The following VEPH1 variants were observed in gnomAD, a reference collection of about 807,000 sequenced individuals.
VEPH1 encodes ventricular zone expressed PH domain containing 1.
VEPH1 carries 80 observed loss-of-function variants against 85.2 expected under a neutral mutation model. That is an observed-to-expected ratio of 0.94 (90% CI 0.78 to 1.13). VEPH1 has a LOEUF of 1.13. Among genes scored for constraint, VEPH1 ranks in the 50% most tolerant of loss-of-function variants. The pLI, the probability that VEPH1 is intolerant of heterozygous loss-of-function variation, is 0.00. For synonymous variants in VEPH1, 297 were observed against 348.0 expected (o/e 0.85, Z 1.63); for missense variants, 955 against 980.5 (o/e 0.97, Z 0.35).
At chr3:157,437,252 A>G (rs1161434244) in intron 4 of VEPH1, among the ~76,000 whole-genome samples, 1 of 152,222 alleles carries the variant, frequency 6.6e-6, no homozygotes, top group Non-Finnish European at 1.5e-5. Context: ...AATGGGTTGA[A>G]TCATATCAAA....
At chr3:157,434,642 C>A (rs1271260422) in intron 4 of VEPH1, among the ~76,000 whole-genome samples, 1 of 152,054 alleles carries the variant, frequency 6.6e-6, no homozygotes, top group Non-Finnish European at 1.5e-5. Flanking sequence ...ATATTTGTCT[C>A]TTAACTGGAA....
At chr3:157,332,600 T>G (rs531888569) in intron 9 of VEPH1, among the ~76,000 whole-genome samples, 1 of 152,326 alleles carries the variant, frequency 6.6e-6, no homozygotes, top group African/African-American at 2.4e-5. Flanking sequence ...TAAATAACAT[T>G]CCATCATATG....
At chr3:157,295,425 C>T (rs1209191647) in intron 11 of VEPH1, among the ~76,000 whole-genome samples, 3 of 151,502 alleles carry the variant, frequency 2.0e-5, no homozygotes, top group South Asian at 2.1e-4. Flanking sequence ...GAGCAAGACC[C>T]TGTCTTGAAA....
intron 4 of VEPH1, among the ~76,000 whole-genome samples, chr3:157,438,516 C>A (rs970733531): frequency 6.6e-6 from 1 of 152,104 alleles, no homozygotes; most frequent in African/African-American, 2.4e-5. Context: ...GTCCCCCAGC[C>A]CCCGGGGTTT....
At position 157,331,153 on chromosome 3, in the gene VEPH1, G is replaced by A. The variant is rs560010684; in HGVS notation, c.1736-13952C>T. Among the ~76,000 whole-genome samples the A allele has an allele frequency of 5.3e-4, 81 of 152,214 alleles. 2 individuals are homozygous for A. The South Asian group carries it at 0.016, about 30-fold the overall frequency. ...TTCATCCCTTCAGATAGGATGCTGG[G>A]GCTCATCTGCAGGGCCATTGCTAAC... is the stretch of plus-strand genomic sequence containing the variant. On this transcript the variant is annotated intron_variant, in intron 9 of 13. Transcript: ENST00000362010.
chr3:157,441,840 C>A (rs947762114), intron 4 of VEPH1, among the ~76,000 whole-genome samples: 1 of 151,130 alleles, frequency 6.6e-6, no homozygotes, highest in African/African-American at 2.4e-5. Context: ...TCTGCAATAA[C>A]ATCACTATCC....
At chr3:157,437,767 C>A in intron 4 of VEPH1, 3 of 1,483,008 alleles carry the variant, frequency 2.0e-6, no homozygotes, top group Non-Finnish European at 2.7e-6. Flanking sequence ...CGACGCGGGC[C>A]GCAGGCTGGC....
intron 11 of VEPH1, among the ~76,000 whole-genome samples, chr3:157,301,881 T>C (rs1360292600): frequency 6.6e-6 from 1 of 152,196 alleles, no homozygotes; most frequent in Non-Finnish European, 1.5e-5. Context: ...TAATCTATAT[T>C]CCTGGCCTAA....
chr3:157,263,715 A>G (rs1305150959), intron 13 of VEPH1, among the ~76,000 whole-genome samples: 2 of 152,216 alleles, frequency 1.3e-5, no homozygotes, highest in Non-Finnish European at 2.9e-5. Flanking sequence ...AGGTATCACA[A>G]AAAATATTCT....
intron 9 of VEPH1, among the ~76,000 whole-genome samples, chr3:157,341,790 C>G (rs1015470689): frequency 6.6e-6 from 1 of 151,920 alleles, no homozygotes; most frequent in Non-Finnish European, 1.5e-5. Context: ...GTCGGGTTAC[C>G]CACAAAGGGA....
In VEPH1 at chr3:157,443,525, A is replaced by T. The variant is rs558957255; in HGVS notation, c.530-15037T>A. ...TCATATAAGTTATATTGCAAAAGGG[A>T]TTTGTATTAATTTAAGACTATTTTT... On this transcript the variant is annotated intron_variant, in intron 4 of 13. Transcript: ENST00000362010. The T allele has an allele frequency of 2.6e-5, 4 of 152,832 alleles. No individual in the cohort carries two copies. In the South Asian group the frequency reaches 8.3e-4, roughly 32 times the overall value. The allele number at this position is 152,832 out of a possible 1,614,324, so 9.5% of individuals were successfully genotyped here.
chr3:157,318,754 C>G (rs73018211), intron 9 of VEPH1, among the ~76,000 whole-genome samples: 3,122 of 151,314 alleles, frequency 0.021, 110 homozygotes, highest in African/African-American at 0.072. Context: ...AGTTGAAAGT[C>G]GATGAGAAAA....
At chr3:157,470,177 C>T (rs1195663128) in intron 3 of VEPH1, 137 bp downstream of exon 3, 3 of 754,996 alleles carry the variant, frequency 4.0e-6, no homozygotes, top group East Asian at 5.4e-5. Flanking sequence ...CCGGCCCTCC[C>T]AGCTATTGAT....
intron 5 of VEPH1, among the ~76,000 whole-genome samples, chr3:157,421,254 T>C (rs1054998947): frequency 1.3e-5 from 2 of 152,132 alleles, no homozygotes; most frequent in Admixed American, 6.5e-5. Context: ...GAATTTTTTT[T>C]TCAAGGGCCA....
chr3:157,318,443 A>G (rs1188839631), intron 9 of VEPH1, among the ~76,000 whole-genome samples: 1 of 151,776 alleles, frequency 6.6e-6, no homozygotes, highest in African/African-American at 2.4e-5. Context: ...CCCCTTCTCT[A>G]CAAAAAATAC....
intron 4 of VEPH1, among the ~76,000 whole-genome samples, chr3:157,441,765 G>A (rs1007614331): frequency 1.3e-5 from 2 of 150,576 alleles, no homozygotes; most frequent in South Asian, 2.1e-4. Flanking sequence ...AGTCGAGATC[G>A]CACTACTGCA....
intron 6 of VEPH1, among the ~76,000 whole-genome samples, chr3:157,411,743 G>T (rs565321514): frequency 6.6e-6 from 1 of 152,102 alleles, no homozygotes; most frequent in African/African-American, 2.4e-5. Flanking sequence ...TGTTTGTTTT[G>T]GGGGAAAAAG....
At chr3:157,300,336 C>G (rs907945588) in intron 11 of VEPH1, among the ~76,000 whole-genome samples, 5 of 152,028 alleles carry the variant, frequency 3.3e-5, no homozygotes, top group African/African-American at 1.2e-4. Context: ...AAGGTTTTTC[C>G]TTTTTTTAAA....
At chr3:157,368,610 GC>G (rs1206576666) in intron 7 of VEPH1, among the ~76,000 whole-genome samples, 36 of 152,028 alleles carry the variant, frequency 2.4e-4, no homozygotes, top group African/African-American at 8.7e-4. Flanking sequence ...TCCCACCTCA[GC>G]CCCCCGAGTA....
Sources: gnomAD v4.1 joint callset for allele counts (sites outside exome capture counted in the v4.1 genomes callset) on GRCh38, gnomAD v4.1.1 for gene constraint, MANE v1.5 for transcripts, NCBI Gene and HGNC (gene_info 2026-07-23, HGNC 2026-07-21) for gene names.